The following CORO7 variants were observed in gnomAD, a reference collection of about 807,000 sequenced individuals.
CORO7 encodes the protein coronin 7.
In CORO7, 107 loss-of-function variants were observed where a neutral mutation model predicts 126.6. That is an observed-to-expected ratio of 0.85 (90% CI 0.72 to 0.99). The LOEUF (loss-of-function observed/expected upper bound fraction) is 0.99, where lower values mean the gene tolerates loss of function less well. Among genes scored for constraint, CORO7 ranks in the 50% least tolerant of loss-of-function variants. The pLI is 0.00. For synonymous variants in CORO7, 603 were observed against 536.8 expected (o/e 1.12, Z -1.70); for missense variants, 1,314 against 1,255.8 (o/e 1.05, Z -0.70).
chr16:4,382,789 A>G, intron 9 of CORO7: 1 of 1,584,654 alleles, frequency 6.3e-7, no homozygotes, highest in African/African-American at 1.3e-5. Context: ...CCCGAAGGCA[A>G]CAGAGGGCGG....
At chr16:4,363,447 C>A (rs1270514646) in intron 14 of CORO7, among the ~76,000 whole-genome samples, 1 of 152,060 alleles carries the variant, frequency 6.6e-6, no homozygotes, top group Non-Finnish European at 1.5e-5. Context: ...TGGTGCGCGC[C>A]TGTAATCCCA....
At chr16:4,388,182 G>T in intron 8 of CORO7, 114 bp from the exon 9 acceptor site, 1 of 1,373,942 alleles carries the variant, frequency 7.3e-7, no homozygotes, top group Non-Finnish European at 1.0e-6. Context: ...ACCTGCCCCA[G>T]AGCAGGGCTT....
chr16:4,380,243 C>T (rs2054905656), intron 9 of CORO7, among the ~76,000 whole-genome samples: 1 of 152,206 alleles, frequency 6.6e-6, no homozygotes, highest in African/African-American at 2.4e-5. Flanking sequence ...TGCCTGTGGC[C>T]TCTGCCCCTC....
intron 9 of CORO7, among the ~76,000 whole-genome samples, chr16:4,376,338 G>A (rs1226118850): frequency 2.6e-5 from 4 of 152,192 alleles, no homozygotes; most frequent in Admixed American, 1.3e-4. Flanking sequence ...GCAGACTCCC[G>A]GGGCTGGGCT....
chr16:4,381,483 G>A, intron 9 of CORO7: 1 of 1,585,600 alleles, frequency 6.3e-7, no homozygotes, highest in East Asian at 2.3e-5. Context: ...TGGCTGGTCT[G>A]GGGCTGCAGC....
rs116785941 is a variant in CORO7 at position 4,382,180 on chromosome 16, G to A, written c.785+5806C>T. On this transcript the variant is annotated intron_variant, in intron 9 of 27. Coordinates refer to ENST00000251166, the MANE Select transcript of CORO7 (RefSeq NM_024535.5). ...CCACCTGGCGTGCTTGTGCCCCGAA[G>A]GCTTCACGGGCCTGTACTGTGAGAG... 969 of 1,597,838 alleles carry A rather than the reference G, an allele frequency of 6.1e-4. 9 individuals are homozygous for A. The African/African-American group carries it at 0.011, about 18-fold the overall frequency.
At chr16:4,408,486 G>A (rs1302047625) in intron 3 of CORO7, among the ~76,000 whole-genome samples, 9 of 152,226 alleles carry the variant, frequency 5.9e-5, no homozygotes, top group African/African-American at 2.2e-4. Flanking sequence ...GAGGTTGGCA[G>A]GAAATGGGCA....
In CORO7 at chr16:4,358,440, A is replaced by G; in HGVS notation, c.2384T>C (p.Val795Ala). Residue 795 changes from valine to alanine, a missense_variant, in exon 24 of 28, where the codon GTG becomes GCG. Transcript: ENST00000251166. ...LPKTECDVRE[V>A]ELMRCLRLRQ... is the part of the protein sequence containing the mutation. ...CAGCCGCAGGCACCGCATCAGCTCC[A>G]CTTCCCGCACGTCGCACTCCGTCTT... 6.2e-7 allele frequency: 1 copy of G among 1,611,324 alleles called. No individual in the cohort carries two copies. The highest frequency in any genetic ancestry group is 1.1e-5 in the South Asian group (1 of 90,970).
chr16:4,356,949 G>C (rs374950779), intron 26 of CORO7: 4 of 627,102 alleles, frequency 6.4e-6, no homozygotes, highest in Admixed American at 3.0e-5. Flanking sequence ...GGCTGGGTTT[G>C]GCCTGGCCAG....
At chr16:4,376,720 T>C (rs2054745097) in intron 9 of CORO7, among the ~76,000 whole-genome samples, 1 of 152,066 alleles carries the variant, frequency 6.6e-6, no homozygotes, top group Non-Finnish European at 1.5e-5. Flanking sequence ...TTGTCCTCCT[T>C]ACTCATAGGG....
In CORO7 at chr16:4,358,431, A is replaced by G; in HGVS notation, c.2393T>C (p.Met798Thr). 6.2e-7 allele frequency: 1 copy of G among 1,612,112 alleles called. No individual in the cohort carries two copies. The highest frequency in any genetic ancestry group is 1.1e-5 in the South Asian group (1 of 91,016). ...TECDVREVEL[M>T]RCLRLRQSSL... Reference sequence around the variant, plus strand: ...GGACTGACGCAGCCGCAGGCACCGCATCAGCTCCACTTCCCGCACGTCGCA... The same window carrying G: ...GGACTGACGCAGCCGCAGGCACCGCGTCAGCTCCACTTCCCGCACGTCGCA... Residue 798 changes from methionine (M) to threonine (T), a missense_variant, in exon 24 of 28, where the codon ATG becomes ACG. Met to Thr is a moderately conservative substitution (Grantham distance 81, BLOSUM62 -1). Coordinates refer to ENST00000251166, the MANE Select transcript of CORO7 (RefSeq NM_024535.5).
intron 14 of CORO7, among the ~76,000 whole-genome samples, chr16:4,363,811 G>T (rs1245750733): frequency 6.6e-6 from 1 of 151,682 alleles, no homozygotes; most frequent in Non-Finnish European, 1.5e-5. Flanking sequence ...CTGAGGTCAG[G>T]AGTTCGAGAC....
intron 6 of CORO7, among the ~76,000 whole-genome samples, chr16:4,401,692 GGACA>G (rs1251266300): frequency 1.3e-5 from 2 of 152,152 alleles, no homozygotes; most frequent in Non-Finnish European, 2.9e-5. Context: ...TAGAGATCAA[GGACA>G]GATACAGGGG....
At chr16:4,368,224 G>A (rs1313819154) in intron 9 of CORO7, among the ~76,000 whole-genome samples, 1 of 152,076 alleles carries the variant, frequency 6.6e-6, no homozygotes, top group African/African-American at 2.4e-5. Context: ...GTGTGCATCT[G>A]TAATCCCAGC....
chr16:4,381,135 C>A (rs746000761), intron 9 of CORO7: 8 of 1,610,378 alleles, frequency 5.0e-6, no homozygotes, highest in Non-Finnish European at 6.8e-6. Flanking sequence ...TGTCACAGAA[C>A]CAGATCGCCA....
At chr16:4,413,514 CCATTCG>C in intron 1 of CORO7, 110 bp from the exon 2 acceptor site, 2 of 947,162 alleles carry the variant, frequency 2.1e-6, no homozygotes, top group Non-Finnish European at 3.1e-6. Flanking sequence ...CACAGCTGCA[CCATTCG>C]AGATGCATTC....
chr16:4,357,763 G>A (rs920769081), intron 25 of CORO7: 36 of 806,872 alleles, frequency 4.5e-5, no homozygotes, highest in Non-Finnish European at 6.6e-5. Context: ...GTGTGTGTGT[G>A]TGTTAGGGGT....
chr16:4,408,143 T>A (rs2056074891), intron 4 of CORO7, 38 bp downstream of exon 4: 2 of 1,613,736 alleles, frequency 1.2e-6, no homozygotes, highest in South Asian at 2.2e-5. Flanking sequence ...GACTACGGGC[T>A]GGGACATAGA....
intron 10 of CORO7, 123 bp from the exon 11 acceptor site, chr16:4,365,183 G>A: frequency 1.4e-6 from 2 of 1,441,492 alleles, no homozygotes; most frequent in South Asian, 2.5e-5. Flanking sequence ...GGCTGGAGAT[G>A]GGGCTCCCCA....
Sources: gnomAD v4.1 joint callset for allele counts (sites outside exome capture counted in the v4.1 genomes callset) on GRCh38, gnomAD v4.1.1 for gene constraint, MANE v1.5 for transcripts, NCBI Gene and HGNC (gene_info 2026-07-23, HGNC 2026-07-21) for gene names.